Variants in SLC47A1 observed in about 807,000 individuals in gnomAD.
SLC47A1 encodes solute carrier family 47 member 1.
Under a neutral mutation model 65.8 loss-of-function variants are expected in SLC47A1, and 58 were observed. That is an observed-to-expected ratio of 0.88 (90% CI 0.71 to 1.10). The LOEUF is 1.10. Ranked by LOEUF, SLC47A1 falls within the 50% of genes least tolerant of loss-of-function variation. The pLI is 0.00. For missense variants in SLC47A1, 706 were observed against 719.2 expected, an observed-to-expected ratio of 0.98 and a Z score of 0.21; for synonymous variants, 285 against 295.0, an observed-to-expected ratio of 0.97 and a Z score of 0.35.
chr17:19,574,962 C>T (rs1162526502), intron 16 of SLC47A1, among the ~76,000 whole-genome samples: 1 of 152,132 alleles, frequency 6.6e-6, no homozygotes, highest in Non-Finnish European at 1.5e-5. Context: ...TTTTATACTA[C>T]CGCTGTTGGG....
chr17:19,556,559 A>ATTTT (rs35618722), intron 10 of SLC47A1, among the ~76,000 whole-genome samples: 4 of 141,036 alleles, frequency 2.8e-5, no homozygotes, highest in South Asian at 2.3e-4. Context: ...TCTTAAAGGG[A>ATTTT]TTTTTTTTTT....
intron 16 of SLC47A1, among the ~76,000 whole-genome samples, chr17:19,574,893 C>T (rs1484576649): frequency 1.3e-5 from 2 of 152,176 alleles, no homozygotes; most frequent in African/African-American, 4.8e-5. Flanking sequence ...GGCTCGGCCT[C>T]CCAAAGTACT....
Position 19,542,348 on chromosome 17 carries a change from C to A in SLC47A1, c.136-45C>A, listed in dbSNP as rs79388114. The stretch of plus-strand genomic sequence containing the variant: ...ACACTTGGGGCCCCAGGCTTCCCTG[C>A]AATGGTGGTCACTCACGTCCCTTCC... On this transcript the variant is annotated intron_variant, in intron 1 of 16. Coordinates refer to ENST00000270570, the MANE Select transcript of SLC47A1 (RefSeq NM_018242.3). 15 of 1,473,404 alleles carry A rather than the reference C, an allele frequency of 1.0e-5. No homozygotes were observed. The Admixed American group carries it at 3.0e-4, about 29-fold the overall frequency. 91.3% of individuals were successfully genotyped at this position (1,473,404 alleles called of 1,614,324 possible). A position where few individuals can be genotyped will look rare whatever the true frequency, so the allele number is the denominator to read the frequency against.
At chr17:19,570,219 C>T (rs904421916) in intron 14 of SLC47A1, among the ~76,000 whole-genome samples, 1 of 152,192 alleles carries the variant, frequency 6.6e-6, no homozygotes, top group Non-Finnish European at 1.5e-5. Context: ...AAACCAGGAA[C>T]CCAGACTAGC....
chr17:19,552,441 CA>C (rs1227150000), intron 6 of SLC47A1, among the ~76,000 whole-genome samples: 1 of 152,144 alleles, frequency 6.6e-6, no homozygotes, highest in Admixed American at 6.5e-5. Flanking sequence ...AGGAAACCCA[CA>C]CATTTCATCC....
At chr17:19,541,497 T>C (rs922646532) in intron 1 of SLC47A1, among the ~76,000 whole-genome samples, 1 of 152,162 alleles carries the variant, frequency 6.6e-6, no homozygotes, top group South Asian at 2.1e-4. Flanking sequence ...ATTCATAGAA[T>C]TGCCCACTGG....
Position 19,533,892 on chromosome 17 carries a change from GTACCCACTGCCGGCCTCCGCGC to G in SLC47A1, c.-42_-21del. The G allele has an allele frequency of 1.4e-6, 2 of 1,434,840 alleles. No individual in the cohort carries two copies. Among genetic ancestry groups the G allele is most frequent in the Non-Finnish European group, 9.1e-7 (1 of 1,097,346 alleles). The allele number at this position is 1,434,840 out of a possible 1,614,324, so 88.9% of individuals were successfully genotyped here. A position where few individuals can be genotyped will look rare whatever the true frequency, so the allele number is the denominator to read the frequency against. On this transcript the variant is annotated 5_prime_UTR_variant, in exon 1 of 17. Coordinates refer to ENST00000270570, the MANE Select transcript of SLC47A1 (RefSeq NM_018242.3). ...GCGGTACTCACTGCCGGCCTCCGCG[GTACCCACTGCCGGCCTCCGCGC>G]TACCCGGCCGCAGCGCGCGAGTCAC... is the stretch of plus-strand genomic sequence containing the variant.
intron 1 of SLC47A1, among the ~76,000 whole-genome samples, chr17:19,539,764 G>A (rs537461618): frequency 6.6e-6 from 1 of 152,278 alleles, no homozygotes; most frequent in Admixed American, 6.5e-5. Context: ...GAGATTACAA[G>A]GCGTGAGCCA....
chr17:19,555,596 C>T lies in SLC47A1; in HGVS notation c.645C>T (p.Gly215=), dbSNP rs1417737848. 6.2e-7 allele frequency: 1 copy of T among 1,614,106 alleles called. No homozygotes were observed. The highest frequency in any genetic ancestry group is 2.2e-5 in the East Asian group (1 of 44,872). ...FLHQLHLGVI[G]SALANLISQY... is the part of the protein sequence containing the mutation. ...TCATTGGGACTGTTCTTTCCAGAGG[C>T]TCTGCACTGGCAAACTTGATTTCCC... Residue 215 remains glycine, a synonymous_variant, in exon 8 of 17, where the codon GGC becomes GGT. Transcript: ENST00000270570.
chr17:19,565,721 C>T (rs559810871), intron 12 of SLC47A1, among the ~76,000 whole-genome samples: 1 of 151,866 alleles, frequency 6.6e-6, no homozygotes, highest in East Asian at 1.9e-4. Flanking sequence ...GCTGGGACTA[C>T]AGGCGCCCGC....
chr17:19,563,906 G>C (rs180761146), intron 12 of SLC47A1, among the ~76,000 whole-genome samples: 1 of 151,934 alleles, frequency 6.6e-6, no homozygotes, highest in Non-Finnish European at 1.5e-5. Flanking sequence ...GGAGAATGGC[G>C]TGAACCCGGG....
At chr17:19,574,575 G>C (rs1365600662) in intron 16 of SLC47A1, among the ~76,000 whole-genome samples, 1 of 152,166 alleles carries the variant, frequency 6.6e-6, no homozygotes, top group East Asian at 1.9e-4. Context: ...AAGGGTTGGT[G>C]GATGTTTTCT....
At chr17:19,540,016 C>G (rs1356144147) in intron 1 of SLC47A1, among the ~76,000 whole-genome samples, 1 of 152,146 alleles carries the variant, frequency 6.6e-6, no homozygotes, top group African/African-American at 2.4e-5. Flanking sequence ...GTTGCCGTAA[C>G]CCTGGCAGAG....
At chr17:19,575,461 C>T (rs1191944247) in intron 16 of SLC47A1, among the ~76,000 whole-genome samples, 2 of 149,348 alleles carry the variant, frequency 1.3e-5, no homozygotes, top group African/African-American at 4.9e-5. Flanking sequence ...TGCAGTGGTG[C>T]AATTATAGCT....
intron 6 of SLC47A1, among the ~76,000 whole-genome samples, chr17:19,552,235 G>C (rs1050739948): frequency 1.3e-5 from 2 of 152,160 alleles, no homozygotes; most frequent in African/African-American, 4.8e-5. Context: ...TAGATATGGG[G>C]TCTTGCTATG....
intron 16 of SLC47A1, among the ~76,000 whole-genome samples, chr17:19,573,314 G>A (rs1253363184): frequency 6.6e-6 from 1 of 151,980 alleles, no homozygotes; most frequent in African/African-American, 2.4e-5. Flanking sequence ...CCCGATTCCT[G>A]GCCCCTTAGG....
intron 3 of SLC47A1, among the ~76,000 whole-genome samples, chr17:19,546,805 T>G (rs1268466555): frequency 6.6e-6 from 1 of 152,198 alleles, no homozygotes; most frequent in African/African-American, 2.4e-5. Context: ...GTTCTCAGAA[T>G]TGAGCGTGCA....
At chr17:19,543,245 TAC>T (rs1916198683) in intron 2 of SLC47A1, among the ~76,000 whole-genome samples, 1 of 151,596 alleles carries the variant, frequency 6.6e-6, no homozygotes, top group African/African-American at 2.4e-5. Context: ...GAGTAGCTGG[TAC>T]TACAGGTGCC....
chr17:19,555,846 A>C lies in SLC47A1; in HGVS notation c.790A>C (p.Ile264Leu). The change falls in exon 9 of 17, where the codon ATC (isoleucine) becomes CTC (leucine). Residue 264 changes from isoleucine to leucine, a missense_variant. Transcript: ENST00000270570. ...QDWASFLRLA[I>L]PSMLMLCMEW... ...CTGGGCCTCCTTCCTCCGCCTGGCC[A>C]TCCCCAGCATGCTCATGCTGTGCAT... is the stretch of plus-strand genomic sequence containing the variant. The C allele has an allele frequency of 6.2e-7, 1 of 1,613,782 alleles. No homozygotes were observed. Among genetic ancestry groups the C allele is most frequent in the Non-Finnish European group, 8.5e-7 (1 of 1,179,996 alleles).
Sources: allele counts gnomAD v4.1 joint callset (sites outside exome capture counted in the v4.1 genomes callset), GRCh38; gene constraint gnomAD v4.1.1; transcripts MANE v1.5; gene names NCBI Gene and HGNC (gene_info 2026-07-23, HGNC 2026-07-21).